CNTNAP2: variants seen among roughly 807,000 people sequenced by gnomAD.
The protein encoded by CNTNAP2 is contactin associated protein 2, also known as contactin-associated protein-like 2.
Under a neutral mutation model 155.2 loss-of-function variants are expected in CNTNAP2, and 98 were observed. That is an observed-to-expected ratio of 0.63 (90% CI 0.54 to 0.75). The LOEUF (loss-of-function observed/expected upper bound fraction) is 0.75. Among genes scored for constraint, CNTNAP2 ranks in the 30% least tolerant of loss-of-function variants. The pLI, the probability that CNTNAP2 is intolerant of heterozygous loss-of-function variation, is 0.00. For synonymous variants in CNTNAP2, 651 were observed against 631.2 expected, an observed-to-expected ratio of 1.03 and a Z score of -0.47; for missense variants, 1,727 against 1,688.1, an observed-to-expected ratio of 1.02 and a Z score of -0.40.
At chr7:148,391,169 T>C (rs1799339172) in intron 22 of CNTNAP2, among the ~76,000 whole-genome samples, 1 of 152,230 alleles carries the variant, frequency 6.6e-6, no homozygotes, top group Admixed American at 6.5e-5. Flanking sequence ...TCACAGGCAA[T>C]AGAATTACTC....
At chr7:148,172,136 G>A (rs1271259104) in intron 17 of CNTNAP2, 106 bp from the exon 18 acceptor site, 1 of 1,071,044 alleles carries the variant, frequency 9.3e-7, no homozygotes, top group Non-Finnish European at 1.4e-6. Flanking sequence ...GACAATACTA[G>A]ATGTGCTATG....
At chr7:148,322,039 C>A (rs1199753137) in intron 21 of CNTNAP2, among the ~76,000 whole-genome samples, 1 of 151,854 alleles carries the variant, frequency 6.6e-6, no homozygotes, top group East Asian at 1.9e-4. Flanking sequence ...TCCCCCTCCC[C>A]CACCCCAACT....
In CNTNAP2 at chr7:146,603,148, C is replaced by T. The variant is rs552796197; in HGVS notation, c.98-171123C>T. On this transcript the variant is annotated intron_variant, in intron 1 of 23. Coordinates refer to ENST00000361727, the MANE Select transcript of CNTNAP2 (RefSeq NM_014141.6). ...ATTGCGATAGCTGGGCGAGGTGGCT[C>T]ACGCCTGTAATCCCAGCACTTTGGG... Among the ~76,000 whole-genome samples the T allele has an allele frequency of 1.3e-5, 2 of 151,402 alleles. 1 individual carries two copies. Among genetic ancestry groups the T allele is most frequent in the Non-Finnish European group, 2.9e-5 (2 of 67,894 alleles).
chr7:146,618,878 T>C (rs549633106), intron 1 of CNTNAP2, among the ~76,000 whole-genome samples: 1 of 152,018 alleles, frequency 6.6e-6, no homozygotes, highest in Non-Finnish European at 1.5e-5. Context: ...AAGACCAGCC[T>C]GGCCAACATG....
intron 1 of CNTNAP2, among the ~76,000 whole-genome samples, chr7:146,505,631 A>G (rs939436497): frequency 6.6e-6 from 1 of 152,226 alleles, no homozygotes; most frequent in African/African-American, 2.4e-5. Context: ...AAATCATACT[A>G]TAGGCTCTCC....
chr7:146,995,264 T>C (rs1489900926), intron 3 of CNTNAP2, among the ~76,000 whole-genome samples: 1 of 152,108 alleles, frequency 6.6e-6, no homozygotes, highest in Non-Finnish European at 1.5e-5. Flanking sequence ...TGATTCCACA[T>C]CTTGGCTATT....
rs181176823 is a variant in CNTNAP2 at position 147,793,380 on chromosome 7, T to A, written c.2099-110185T>A. Among the ~76,000 whole-genome samples, 161 of 152,192 alleles carry A rather than the reference T, an allele frequency of 1.1e-3. 4 individuals carry two copies. Among genetic ancestry groups the A allele is most frequent in the Non-Finnish European group, 1.8e-4 (12 of 67,936 alleles). ...TTTTGTATATGGTGTGAGATAGGGG[T>A]CAAACTTTATACTTTTGCATGTGTA... On this transcript the variant is annotated intron_variant, in intron 13 of 23. Transcript: ENST00000361727.
chr7:147,201,863 C>T (rs955521144), intron 8 of CNTNAP2, among the ~76,000 whole-genome samples: 1 of 152,088 alleles, frequency 6.6e-6, no homozygotes, highest in Admixed American at 6.6e-5. Context: ...TAGCATTGTA[C>T]ATTAAAGTAA....
intron 19 of CNTNAP2, among the ~76,000 whole-genome samples, chr7:148,227,652 G>T (rs1210997113): frequency 6.6e-6 from 1 of 152,210 alleles, no homozygotes; most frequent in African/African-American, 2.4e-5. Context: ...AATTTAGATA[G>T]ATTTAGGAGA....
chr7:148,385,744 T>G (rs1409337159), intron 22 of CNTNAP2, among the ~76,000 whole-genome samples: 12 of 101,984 alleles, frequency 1.2e-4, no homozygotes, highest in African/African-American at 4.5e-4. Context: ...AGGTTTTTTT[T>G]TTTTTTTTTT....
intron 1 of CNTNAP2, among the ~76,000 whole-genome samples, chr7:146,446,304 C>T (rs779614448): frequency 1.3e-5 from 2 of 152,088 alleles, no homozygotes; most frequent in Non-Finnish European, 2.9e-5. Context: ...AGGACTAAAC[C>T]AATTTAGAGG....
chr7:146,616,823 G>A (rs1438610313), intron 1 of CNTNAP2, among the ~76,000 whole-genome samples: 2 of 152,068 alleles, frequency 1.3e-5, no homozygotes, highest in Admixed American at 6.5e-5. Context: ...ATCTCACTGA[G>A]AGGAGTCGAG....
At chr7:147,432,301 A>T (rs1797479014) in intron 10 of CNTNAP2, among the ~76,000 whole-genome samples, 1 of 152,170 alleles carries the variant, frequency 6.6e-6, no homozygotes, top group Non-Finnish European at 1.5e-5. Flanking sequence ...TTGTGTCCAG[A>T]CATTGCCAAA....
At chr7:146,984,403 T>C (rs919250044) in intron 3 of CNTNAP2, among the ~76,000 whole-genome samples, 2 of 151,796 alleles carry the variant, frequency 1.3e-5, no homozygotes, top group Non-Finnish European at 2.9e-5. Flanking sequence ...CTTAACCTGC[T>C]TTTCCCTCCG....
chr7:147,988,189 G>T (rs1801651952), intron 15 of CNTNAP2, among the ~76,000 whole-genome samples: 1 of 152,152 alleles, frequency 6.6e-6, no homozygotes, highest in Admixed American at 6.5e-5. Flanking sequence ...GATAGAAATG[G>T]AATGTTCATG....
intron 4 of CNTNAP2, among the ~76,000 whole-genome samples, chr7:147,055,830 G>C (rs1799551744): frequency 6.6e-6 from 1 of 152,076 alleles, no homozygotes; most frequent in Non-Finnish European, 1.5e-5. Context: ...TGATCCCCGA[G>C]GGAAGCAGCG....
At chr7:147,562,482 C>A (rs1417488244) in intron 12 of CNTNAP2, among the ~76,000 whole-genome samples, 1 of 152,046 alleles carries the variant, frequency 6.6e-6, no homozygotes, top group Non-Finnish European at 1.5e-5. Flanking sequence ...AACAATTAAG[C>A]ATCATTTTTT....
At chr7:147,197,472 A>G (rs750327523) in intron 8 of CNTNAP2, among the ~76,000 whole-genome samples, 3 of 152,080 alleles carry the variant, frequency 2.0e-5, no homozygotes, top group Admixed American at 6.6e-5. Flanking sequence ...CACTGGTAAC[A>G]CTATCTCTGA....
At chr7:148,033,921 T>C (rs1802527085) in intron 15 of CNTNAP2, among the ~76,000 whole-genome samples, 1 of 152,124 alleles carries the variant, frequency 6.6e-6, no homozygotes, top group African/African-American at 2.4e-5. Flanking sequence ...TTAAAAACTC[T>C]TTCAAGGAGA....
Sources: allele counts gnomAD v4.1 joint callset (sites outside exome capture counted in the v4.1 genomes callset), GRCh38; gene constraint gnomAD v4.1.1; transcripts MANE v1.5; gene names NCBI Gene and HGNC (gene_info 2026-07-23, HGNC 2026-07-21).